LPIN1: variants seen among roughly 807,000 people sequenced by gnomAD.
LPIN1 encodes phosphatidate phosphatase LPIN1.
Under a neutral mutation model 107.5 loss-of-function variants are expected in LPIN1, and 71 were observed. The ratio of observed to expected loss-of-function variants is 0.66; its 90% CI spans 0.55 to 0.80. The LOEUF (loss-of-function observed/expected upper bound fraction) is 0.80, where lower values mean the gene tolerates loss of function less well. LPIN1 is among the 30% of genes least tolerant of loss of function. The pLI, the probability that LPIN1 is intolerant of heterozygous loss-of-function variation, is 0.00. For synonymous variants in LPIN1, 445 were observed against 452.6 expected, an observed-to-expected ratio of 0.98 and a Z score of 0.21; for missense variants, 1,043 against 1,160.6, an observed-to-expected ratio of 0.90 and a Z score of 1.47.
At chr2:11,689,989 C>A (rs1662192821) in intron 1 of LPIN1, among the ~76,000 whole-genome samples, 1 of 152,238 alleles carries the variant, frequency 6.6e-6, no homozygotes, top group Admixed American at 6.5e-5. Flanking sequence ...ATACTCCTGC[C>A]AAACAGGGCC....
chr2:11,768,965 C>A (rs1366133904), intron 3 of LPIN1, among the ~76,000 whole-genome samples: 4 of 152,012 alleles, frequency 2.6e-5, no homozygotes, highest in East Asian at 1.9e-4. Context: ...ACCAAAAAAA[C>A]CCAAAAAAAA....
intron 6 of LPIN1, chr2:11,777,487 A>G (rs578123194): frequency 6.6e-6 from 1 of 152,222 alleles, no homozygotes; most frequent in East Asian, 1.9e-4. Context: ...GCTGCAGGAG[A>G]ACCGTGTTCC....
chr2:11,781,429 G>T (rs1424311030), intron 7 of LPIN1, among the ~76,000 whole-genome samples: 1 of 152,212 alleles, frequency 6.6e-6, no homozygotes, highest in Non-Finnish European at 1.5e-5. Flanking sequence ...TGCAATTGAA[G>T]CTGTTTGATC....
Position 11,815,137 on chromosome 2 carries a change from G to A in LPIN1, c.2299G>A (p.Asp767Asn), listed in dbSNP as rs773568815. 1.2e-6 allele frequency: 2 copies of A among 1,614,090 alleles called. No homozygotes were observed. The highest frequency in any genetic ancestry group is 2.7e-5 in the African/African-American group (2 of 74,928). ...TTCTGCCCGTGCCATCGGGATGGCG[G>A]ACATGACGCGGGGCTACCTGCACTG... is the stretch of plus-strand genomic sequence containing the variant. ...YCSARAIGMA[D>N]MTRGYLHWVN... Residue 767 changes from aspartate (D) to asparagine (N), a missense_variant, in exon 18 of 21, where the codon GAC (aspartate) becomes AAC (asparagine). Coordinates refer to ENST00000674199, the MANE Select transcript of LPIN1 (RefSeq NM_001349206.2).
rs1461903704 is a variant in LPIN1 at position 11,707,846 on chromosome 2, A to G, written c.82-5910A>G. 2.6e-5 allele frequency among the ~76,000 whole-genome samples: 4 copies of G among 152,230 alleles called. No individual in the cohort carries two copies. The highest frequency in any genetic ancestry group is 6.8e-3 in the Middle Eastern group (2 of 294). ...GAGCCAGGCATGATTACTTCCTTCA[A>G]ATGACTCTTCTGATGTGTTTCAATG... On this transcript the variant is annotated intron_variant, in intron 1 of 21. Coordinates refer to the LPIN1 transcript ENST00000449576. This position sits in a 1 kb window ranked among gnomAD's most constrained non-coding sequence, Gnocchi z 4.2.
At position 11,747,774 on chromosome 2, in the gene LPIN1, G is replaced by C. The variant is rs1028627003; in HGVS notation, c.-10+1103G>C. ...CAGATTCTTGTTGAAAGGTGTAACA[G>C]TTGGATTTATGATTATATACTTTGA... On this transcript the variant is annotated intron_variant, in intron 1 of 20. Coordinates refer to ENST00000674199, the MANE Select transcript of LPIN1 (RefSeq NM_001349206.2). Among the ~76,000 whole-genome samples the C allele has an allele frequency of 7.2e-5, 11 of 152,394 alleles. 1 individual carries two copies. Among genetic ancestry groups the C allele is most frequent in the Admixed American group, 2.0e-4 (3 of 15,308 alleles).
chr2:11,691,237 G>A (rs1222715022), intron 1 of LPIN1, among the ~76,000 whole-genome samples: 1 of 152,098 alleles, frequency 6.6e-6, no homozygotes, highest in Non-Finnish European at 1.5e-5. Context: ...CCAGAGCCAG[G>A]CCTTATAACA....
At chr2:11,730,940 G>C (rs1009905224) in intron 1 of LPIN1, among the ~76,000 whole-genome samples, 1 of 152,172 alleles carries the variant, frequency 6.6e-6, no homozygotes, top group Non-Finnish European at 1.5e-5. Context: ...TGTGAGGTGG[G>C]GAGGGGCAGA....
Position 11,776,091 on chromosome 2 carries a change from T to C in LPIN1, c.728T>C (p.Leu243Pro), listed in dbSNP as rs1419888229. ...TATCACGTGGTGGTATCCAGTAGCC[T>C]GGTAGATTGCAAAAGGACTGCCCCT... is the stretch of plus-strand genomic sequence containing the variant. The part of the protein sequence containing the change: ...DREWSPTPSS[L>P]VDCKRTAPHL... The change falls in exon 6 of 21, where the codon CTG becomes CCG. Residue 243 changes from leucine to proline, a missense_variant. By Grantham distance (98) the Leu-to-Pro change is moderately conservative. Transcript: ENST00000674199. The C allele has an allele frequency of 1.3e-6, 2 of 1,545,708 alleles. No individual in the cohort carries two copies. Among genetic ancestry groups the C allele is most frequent in the Admixed American group, 3.9e-5 (2 of 50,934 alleles).
chr2:11,726,011 C>T (rs1241638803), intron 1 of LPIN1, among the ~76,000 whole-genome samples: 2 of 152,106 alleles, frequency 1.3e-5, no homozygotes, highest in Non-Finnish European at 2.9e-5. Context: ...TGACTGGCAG[C>T]GTTATTGCTG....
chr2:11,717,219 T>TA (rs1450341716), intron 2 of LPIN1, among the ~76,000 whole-genome samples: 1 of 152,258 alleles, frequency 6.6e-6, no homozygotes, highest in South Asian at 2.1e-4. Context: ...CCTACCCAGT[T>TA]AATTGATGCG....
upstream of LPIN1, among the ~76,000 whole-genome samples, chr2:11,720,450 G>A (rs1252930184): frequency 6.6e-6 from 1 of 152,090 alleles, no homozygotes; most frequent in Non-Finnish European, 1.5e-5. Context: ...GCTTTAATAT[G>A]TAACTACTTT....
chr2:11,680,066 A>G (rs928902497), intron 1 of LPIN1, among the ~76,000 whole-genome samples: 2 of 152,120 alleles, frequency 1.3e-5, no homozygotes, highest in African/African-American at 2.4e-5. Flanking sequence ...AAGAAGAGAA[A>G]CTGGGACCTA....
intron 1 of LPIN1, among the ~76,000 whole-genome samples, chr2:11,703,844 C>T (rs1486497185): frequency 2.6e-5 from 4 of 152,210 alleles, no homozygotes; most frequent in Non-Finnish European, 5.9e-5. Context: ...TATTATAGCT[C>T]ATGATTTAAT....
intron 1 of LPIN1, among the ~76,000 whole-genome samples, chr2:11,689,986 T>C (rs1319880473): frequency 6.6e-6 from 1 of 152,260 alleles, no homozygotes; most frequent in Non-Finnish European, 1.5e-5. Flanking sequence ...TCTATACTCC[T>C]GCCAAACAGG....
intron 9 of LPIN1, chr2:11,784,632 A>G (rs997375532): frequency 5.3e-6 from 3 of 565,970 alleles, no homozygotes; most frequent in Non-Finnish European, 9.5e-6. Flanking sequence ...CAGGGAGGAC[A>G]GCTTGCTTCT....
At chr2:11,710,968 T>C (rs1178857329) in intron 1 of LPIN1, among the ~76,000 whole-genome samples, 1 of 152,222 alleles carries the variant, frequency 6.6e-6, no homozygotes, top group Non-Finnish European at 1.5e-5. Context: ...TTATATTTAA[T>C]CTCTGAATTC....
intron 1 of LPIN1, among the ~76,000 whole-genome samples, chr2:11,760,464 C>T (rs528567383): frequency 2.0e-5 from 3 of 152,226 alleles, no homozygotes; most frequent in Admixed American, 6.5e-5. Context: ...CAGATCACTC[C>T]CGATTAGGAG....
upstream of LPIN1, among the ~76,000 whole-genome samples, chr2:11,743,235 C>G (rs1345791487): frequency 6.6e-6 from 1 of 152,236 alleles, no homozygotes; most frequent in East Asian, 1.9e-4. The surrounding 1 kb of genome is among the most constrained non-coding windows in gnomAD (Gnocchi z 4.7). Flanking sequence ...TCTGCCACTT[C>G]CTGTGCCTCA....
Sources: gnomAD v4.1 joint callset for allele counts (sites outside exome capture counted in the v4.1 genomes callset) on GRCh38, gnomAD v4.1.1 for gene constraint, Gnocchi (gnomAD v3.1) non-coding constraint, MANE v1.5 for transcripts, NCBI Gene and HGNC (gene_info 2026-07-23, HGNC 2026-07-21) for gene names.